The following PHACTR1 variants were observed in gnomAD, a reference collection of about 807,000 sequenced individuals.
The protein encoded by PHACTR1 is RPEL repeat containing 1.
PHACTR1 carries 16 observed loss-of-function variants against 69.2 expected under a neutral mutation model. The ratio of observed to expected loss-of-function variants is 0.23; its 90% CI spans 0.16 to 0.35. The LOEUF (loss-of-function observed/expected upper bound fraction) is 0.35, where lower values mean the gene tolerates loss of function less well. PHACTR1 is among the 10% of genes least tolerant of loss of function. The pLI is 1.00. For synonymous variants in PHACTR1, 312 were observed against 284.5 expected (o/e 1.10, Z -0.97); for missense variants, 510 against 734.7 (o/e 0.69, Z 3.54).
chr6:12,985,265 A>G (rs1377491553), intron 4 of PHACTR1, among the ~76,000 whole-genome samples: 1 of 107,340 alleles, frequency 9.3e-6, no homozygotes, highest in African/African-American at 6.2e-5. Flanking sequence ...TTCTCGAACC[A>G]TAGGAAAAAT....
chr6:13,072,832 A>G (rs1241838151), intron 5 of PHACTR1, among the ~76,000 whole-genome samples: 1 of 151,970 alleles, frequency 6.6e-6, no homozygotes, highest in Non-Finnish European at 1.5e-5. Context: ...AACAATTTAC[A>G]CCTCCTGTGA....
intron 4 of PHACTR1, among the ~76,000 whole-genome samples, chr6:12,857,027 A>G (rs946925052): frequency 6.6e-6 from 1 of 152,192 alleles, no homozygotes; most frequent in Admixed American, 6.5e-5. Context: ...ATTGTGTTTC[A>G]GATAGATTCA....
At chr6:13,139,946 G>A (rs535934574) in intron 5 of PHACTR1, among the ~76,000 whole-genome samples, 1 of 152,240 alleles carries the variant, frequency 6.6e-6, no homozygotes, top group South Asian at 2.1e-4. Flanking sequence ...AGGGTCAAAG[G>A]AGGACTTTAG....
intron 4 of PHACTR1, among the ~76,000 whole-genome samples, chr6:12,991,195 C>A (rs1413200266): frequency 6.6e-6 from 1 of 152,172 alleles, no homozygotes; most frequent in African/African-American, 2.4e-5. Flanking sequence ...GGCTGCCAAG[C>A]AGTTTACCCT....
intron 4 of PHACTR1, among the ~76,000 whole-genome samples, chr6:13,042,124 A>C (rs1804281609): frequency 1.3e-5 from 2 of 152,228 alleles, no homozygotes; most frequent in South Asian, 4.1e-4. Context: ...AAAAGGCTAA[A>C]TTGTAATTCG....
chr6:12,783,012 C>T (rs927191626), intron 4 of PHACTR1, among the ~76,000 whole-genome samples: 3 of 152,160 alleles, frequency 2.0e-5, no homozygotes, highest in Middle Eastern at 3.2e-3. Context: ...ACTATGGCCC[C>T]GTATGTTTAG....
chr6:12,885,922 C>T lies in PHACTR1; in HGVS notation c.250+136132C>T, dbSNP rs1296967161. Reference sequence around the variant, plus strand: ...CCAGCCTGGCCAACATGGTGAAACACTGTCTCTACTAAAAATACAAAAATT... The same window carrying T: ...CCAGCCTGGCCAACATGGTGAAACATTGTCTCTACTAAAAATACAAAAATT... On this transcript the variant is annotated intron_variant, in intron 4 of 14. Transcript: ENST00000332995. Among the ~76,000 whole-genome samples, 3 of 152,166 alleles carry T rather than the reference C, an allele frequency of 2.0e-5. 1 individual carries two copies. The highest frequency in any genetic ancestry group is 6.3e-3 in the Middle Eastern group (2 of 316).
intron 4 of PHACTR1, among the ~76,000 whole-genome samples, chr6:13,051,120 C>A (rs1386909555): frequency 3.3e-5 from 5 of 152,112 alleles, no homozygotes; most frequent in African/African-American, 1.2e-4. Flanking sequence ...GGCCGACCCC[C>A]CCATTCTACC....
chr6:13,184,351 A>G (rs1310641960), intron 7 of PHACTR1, among the ~76,000 whole-genome samples: 1 of 152,156 alleles, frequency 6.6e-6, no homozygotes, highest in Non-Finnish European at 1.5e-5. Context: ...CCCTCAGCAA[A>G]GGGCAAGCAG....
rs764841003 is a variant in PHACTR1, at chr6:13,053,316, AAC to A, written c.251-46_251-45del. The stretch of plus-strand genomic sequence containing the variant: ...TGGCCATCTGTGAGGCTCCCATTTT[AAC>A]ACTTTTTTTCTCTCTTTGTTTTCAT... On this transcript the variant is annotated intron_variant, in intron 4 of 14. Coordinates refer to ENST00000332995, the MANE Select transcript of PHACTR1 (RefSeq NM_030948.6). 1.3e-6 allele frequency: 2 copies of A among 1,520,848 alleles called. 1 individual carries two copies. Among genetic ancestry groups the A allele is most frequent in the Middle Eastern group, 3.5e-4 (2 of 5,750 alleles). 94.2% of individuals were successfully genotyped at this position (1,520,848 alleles called of 1,614,324 possible). A position where few individuals can be genotyped will look rare whatever the true frequency, so the allele number is the denominator to read the frequency against.
At chr6:13,046,772 G>A (rs1192905932) in intron 4 of PHACTR1, among the ~76,000 whole-genome samples, 1 of 150,834 alleles carries the variant, frequency 6.6e-6, no homozygotes, top group Non-Finnish European at 1.5e-5. Context: ...AACCAGGTAG[G>A]CACTCTGGAT....
At chr6:13,120,184 A>T (rs1311923967) in intron 5 of PHACTR1, among the ~76,000 whole-genome samples, 1 of 152,066 alleles carries the variant, frequency 6.6e-6, no homozygotes, top group Non-Finnish European at 1.5e-5. Context: ...CTGGTCTACA[A>T]TCTAGCTTTG....
chr6:13,087,190 T>G (rs1272800256), intron 5 of PHACTR1, among the ~76,000 whole-genome samples: 2 of 140,464 alleles, frequency 1.4e-5, no homozygotes, highest in Non-Finnish European at 3.0e-5. Context: ...TATGAATATA[T>G]TTTAGATATC....
intron 4 of PHACTR1, among the ~76,000 whole-genome samples, chr6:12,949,284 AAAAGAAAG>A (rs1554175601): frequency 4.8e-5 from 7 of 147,106 alleles, no homozygotes; most frequent in African/African-American, 1.9e-4. Context: ...AAAAAAAAAA[AAAAGAAAG>A]AAAGAAAAGG....
chr6:13,229,470 A>T (rs1770424730), intron 9 of PHACTR1, among the ~76,000 whole-genome samples: 1 of 152,140 alleles, frequency 6.6e-6, no homozygotes, highest in Non-Finnish European at 1.5e-5. Flanking sequence ...GCGTGTTTCA[A>T]AGCCCTCACC....
intron 7 of PHACTR1, among the ~76,000 whole-genome samples, 192 bp from the exon 8 acceptor site, chr6:13,205,623 A>C (rs997020369): frequency 6.6e-6 from 1 of 152,218 alleles, no homozygotes; most frequent in Non-Finnish European, 1.5e-5. Context: ...GTGCAAGTGC[A>C]CTTGGAGTAG....
Position 13,034,313 on chromosome 6 carries a change from G to T in PHACTR1, c.251-19052G>T, listed in dbSNP as rs1410714805. ...ATTACAGGCGTGAGCCACCACGCCC[G>T]GCCAGGACTTTTCTTTTTCTAATGC... On this transcript the variant is annotated intron_variant, in intron 4 of 14. Coordinates refer to ENST00000332995, the MANE Select transcript of PHACTR1 (RefSeq NM_030948.6). Among the ~76,000 whole-genome samples the T allele has an allele frequency of 3.3e-5, 5 of 152,290 alleles. No individual in the cohort carries two copies. In the South Asian group the frequency reaches 1.0e-3, roughly 32 times the overall value.
chr6:12,830,065 AAAAG>A (rs773314112), intron 4 of PHACTR1, among the ~76,000 whole-genome samples: 12 of 137,026 alleles, frequency 8.8e-5, no homozygotes, highest in Non-Finnish European at 1.6e-4. Flanking sequence ...GGAAGGAAGG[AAAAG>A]AAAGAAGGAA....
intron 4 of PHACTR1, among the ~76,000 whole-genome samples, chr6:12,768,259 CA>C (rs1223845409): frequency 1.3e-5 from 2 of 151,988 alleles, no homozygotes; most frequent in Non-Finnish European, 2.9e-5. Flanking sequence ...GGACTACTGG[CA>C]CCCGCCACCA....
Sources: allele counts gnomAD v4.1 joint callset (sites outside exome capture counted in the v4.1 genomes callset), GRCh38; gene constraint gnomAD v4.1.1; transcripts MANE v1.5; gene names NCBI Gene and HGNC (gene_info 2026-07-23, HGNC 2026-07-21).